Variants in EPB41L1 observed in about 807,000 individuals in gnomAD.
EPB41L1 encodes band 4.1-like protein 1.
Under a neutral mutation model 97.8 loss-of-function variants are expected in EPB41L1, and 29 were observed. The ratio of observed to expected loss-of-function variants is 0.30; its 90% confidence interval spans 0.22 to 0.40. EPB41L1 has a LOEUF of 0.40. Ranked by LOEUF, EPB41L1 falls within the 10% of genes least tolerant of loss-of-function variation. The pLI, the probability that EPB41L1 is intolerant of heterozygous loss-of-function variation, is 1.00. For synonymous variants in EPB41L1, 383 were observed against 459.2 expected (o/e 0.83, Z 2.12); for missense variants, 812 against 1,162.3 (o/e 0.70, Z 4.38).
At chr20:36,125,470 G>C in intron 2 of EPB41L1, 1 of 1,158,152 alleles carries the variant, frequency 8.6e-7, no homozygotes, top group East Asian at 2.6e-5. Flanking sequence ...GGATCAATGA[G>C]GTAGAACCTG....
chr20:36,177,637 TAATCACTAAA>T (rs2061304046), intron 3 of EPB41L1, among the ~76,000 whole-genome samples: 1 of 152,210 alleles, frequency 6.6e-6, no homozygotes, highest in African/African-American at 2.4e-5. Context: ...CTCCTTCTCC[TAATCACTAAA>T]AAGGAAGGAG....
At chr20:36,138,262 CTTT>C (rs34787525) in intron 2 of EPB41L1, among the ~76,000 whole-genome samples, 7 of 131,776 alleles carry the variant, frequency 5.3e-5, no homozygotes, top group African/African-American at 5.6e-5. Flanking sequence ...ATGGTTAGCA[CTTT>C]TTTTTTTTTT....
intron 1 of EPB41L1, among the ~76,000 whole-genome samples, chr20:36,100,854 C>T (rs1348812721): frequency 6.6e-6 from 1 of 152,144 alleles, no homozygotes; most frequent in Non-Finnish European, 1.5e-5. Flanking sequence ...TGCACTCTGG[C>T]AGCACCTCCG....
chr20:36,163,902 G>T (rs1254172492), intron 1 of EPB41L1, among the ~76,000 whole-genome samples: 1 of 151,974 alleles, frequency 6.6e-6, no homozygotes, highest in African/African-American at 2.4e-5. Context: ...TGTCGTCCAG[G>T]CTAGAGTGCA....
chr20:36,113,429 TGTGTGTGTGTG>T (rs1176857105), intron 2 of EPB41L1, among the ~76,000 whole-genome samples: 3 of 87,100 alleles, frequency 3.4e-5, no homozygotes, highest in African/African-American at 2.5e-4. Flanking sequence ...TGTGTGTGTG[TGTGTGTGTGTG>T]TGTGTGTGTG....
At position 36,206,267 on chromosome 20, in the gene EPB41L1, G is replaced by T. The variant is rs2062796585; in HGVS notation, c.1669-3221G>T. The T allele has an allele frequency of 7.8e-7, 1 of 1,289,816 alleles. No homozygotes were observed. Among genetic ancestry groups the T allele is most frequent in the Non-Finnish European group, 1.0e-6 (1 of 988,912 alleles). The allele number at this position is 1,289,816 out of a possible 1,614,324, so 79.9% of individuals were successfully genotyped here. On this transcript the variant is annotated intron_variant, in intron 14 of 21. Coordinates refer to ENST00000338074, the MANE Select transcript of EPB41L1 (RefSeq NM_012156.2). The surrounding 1 kb of genome is among the most constrained non-coding windows in gnomAD (Gnocchi z 5.5). Reference sequence around the variant, plus strand: ...TGCATGTCAGATGGTCAGCCGGAGGGCCAGACAGAGCTGAGGAAGGGGCTG... The same window carrying T: ...TGCATGTCAGATGGTCAGCCGGAGGTCCAGACAGAGCTGAGGAAGGGGCTG...
Position 36,185,109 on chromosome 20 carries a change from A to G in EPB41L1, c.567-8A>G, listed in dbSNP as rs1367138168. The G allele has an allele frequency of 6.2e-7, 1 of 1,612,074 alleles. No individual in the cohort carries two copies. The highest frequency in any genetic ancestry group is 8.5e-7 in the Non-Finnish European group (1 of 1,179,986). ...CCTGTGCCCATGCTGGCTCTCCCCTATCTCCAGATACTACCTGTGCCTGCA... is the reference window on the plus strand; with the variant it reads ...CCTGTGCCCATGCTGGCTCTCCCCTGTCTCCAGATACTACCTGTGCCTGCA... On this transcript the variant is annotated splice_region_variant and splice_polypyrimidine_tract_variant and intron_variant, in intron 6 of 21. Transcript: ENST00000338074.
intron 3 of EPB41L1, among the ~76,000 whole-genome samples, chr20:36,176,708 T>C (rs1318661948): frequency 6.6e-6 from 1 of 150,680 alleles, no homozygotes; most frequent in Non-Finnish European, 1.5e-5. Context: ...CTCAGCTCCC[T>C]GCAACCTCAA....
At chr20:36,222,030 C>T (rs2063811498) in intron 20 of EPB41L1, 86 bp downstream of exon 20, 6 of 1,404,030 alleles carry the variant, frequency 4.3e-6, no homozygotes, top group East Asian at 2.3e-5. Context: ...TGGCTATCCT[C>T]ATGGGCAGAG....
chr20:36,094,804 G>C (rs2057776214), intron 1 of EPB41L1, among the ~76,000 whole-genome samples: 1 of 152,042 alleles, frequency 6.6e-6, no homozygotes, highest in Non-Finnish European at 1.5e-5. Context: ...GAGCTCTGGA[G>C]TCTGGGCCAG....
intron 2 of EPB41L1, chr20:36,113,725 G>A (rs976631951): frequency 6.6e-6 from 1 of 152,656 alleles, no homozygotes; most frequent in Non-Finnish European, 1.5e-5. Flanking sequence ...AGGTGGATTA[G>A]GAGTTCCCGG....
chr20:36,175,586 C>CGATG lies in EPB41L1; in HGVS notation c.215_218dup (p.Leu74TrpfsTer33). ...TGGAGGAGAAGGACTACAGTGAGGC[C>CGATG]GATGGCCTTTCGGAGAGGACCACGC... is the stretch of plus-strand genomic sequence containing the variant. On this transcript the variant is annotated frameshift_variant, in exon 3 of 22. Coordinates refer to ENST00000338074, the MANE Select transcript of EPB41L1 (RefSeq NM_012156.2). LOFTEE classifies it high-confidence loss of function. 1 of 1,614,186 alleles carries CGATG rather than the reference C, an allele frequency of 6.2e-7. No homozygotes were observed. Among genetic ancestry groups the CGATG allele is most frequent in the Non-Finnish European group, 8.5e-7 (1 of 1,180,028 alleles).
intron 9 of EPB41L1, among the ~76,000 whole-genome samples, chr20:36,189,365 T>C (rs1371885945): frequency 2.0e-5 from 3 of 152,170 alleles, no homozygotes; most frequent in African/African-American, 7.2e-5. Context: ...GAACTCTCTT[T>C]AGCTCTTGAG....
rs139137163 is a variant in EPB41L1, at chr20:36,182,312, G to T, written c.531G>T (p.Pro177=). 1.5e-3 allele frequency: 2,394 copies of T among 1,614,066 alleles called. 4 individuals carry two copies. The highest frequency in any genetic ancestry group is 1.9e-3 in the Non-Finnish European group (2,242 of 1,179,942). ...WNFAFTVKFY[P]PDPAQLTEDI... ...TTGCCTTCACAGTCAAGTTCTACCC[G>T]CCTGATCCTGCCCAGCTGACAGAAG... Residue 177 remains proline (P), a synonymous_variant, in exon 6 of 22, where the codon CCG becomes CCT. Transcript: ENST00000338074.
At position 36,190,237 on chromosome 20, in the gene EPB41L1, G is replaced by A; in HGVS notation, c.1027-40G>A. On this transcript the variant is annotated intron_variant, in intron 9 of 21. Coordinates refer to ENST00000338074, the MANE Select transcript of EPB41L1 (RefSeq NM_012156.2). This position sits in a 1 kb window ranked among gnomAD's most constrained non-coding sequence, Gnocchi z 5.8. Reference sequence around the variant, plus strand: ...AAGAATGGGCTAGTGGCGAGAGTGAGCTCAGGCCCTGCCTCTAACCTGCCC... The same window carrying A: ...AAGAATGGGCTAGTGGCGAGAGTGAACTCAGGCCCTGCCTCTAACCTGCCC... The A allele has an allele frequency of 5.9e-6, 9 of 1,517,324 alleles. No individual in the cohort carries two copies. Among genetic ancestry groups the A allele is most frequent in the African/African-American group, 1.4e-5 (1 of 73,054 alleles). The allele number at this position is 1,517,324 out of a possible 1,614,324, so 94.0% of individuals were successfully genotyped here. A position where few individuals can be genotyped will look rare whatever the true frequency, so the allele number is the denominator to read the frequency against.
At chr20:36,197,049 A>G (rs1404436437) in intron 13 of EPB41L1, among the ~76,000 whole-genome samples, 1 of 151,558 alleles carries the variant, frequency 6.6e-6, no homozygotes, top group Non-Finnish European at 1.5e-5. Context: ...CTTCCTGAAC[A>G]CTCCACAGCA....
At chr20:36,180,141 G>C (rs1837170470) in intron 5 of EPB41L1, among the ~76,000 whole-genome samples, 2 of 152,220 alleles carry the variant, frequency 1.3e-5, no homozygotes, top group Non-Finnish European at 2.9e-5. Flanking sequence ...CATCGAGTAA[G>C]TCTTGATCGC....
At chr20:36,143,319 G>C (rs549353692) in intron 2 of EPB41L1, among the ~76,000 whole-genome samples, 33 of 152,074 alleles carry the variant, frequency 2.2e-4, no homozygotes, top group Admixed American at 3.3e-4. Context: ...AGCTAGTGGG[G>C]GTAGCAGTAT....
At chr20:36,096,609 A>G (rs922595044) in intron 1 of EPB41L1, among the ~76,000 whole-genome samples, 4 of 152,168 alleles carry the variant, frequency 2.6e-5, no homozygotes, top group African/African-American at 9.7e-5. Flanking sequence ...TTTCAGCTCA[A>G]TAGTCACTTT....
Sources: allele counts gnomAD v4.1 joint callset (sites outside exome capture counted in the v4.1 genomes callset), GRCh38; gene constraint gnomAD v4.1.1; non-coding constraint Gnocchi (gnomAD v3.1); transcripts MANE v1.5; gene names NCBI Gene and HGNC (gene_info 2026-07-23, HGNC 2026-07-21).